BCAT1: variants seen among roughly 807,000 people sequenced by gnomAD.
BCAT1 encodes branched-chain-amino-acid aminotransferase, cytosolic.
A neutral mutation model predicts 52.4 loss-of-function variants in BCAT1; 48 were observed. The observed-to-expected ratio is 0.92, with a 90% CI of 0.73 to 1.16. The LOEUF (loss-of-function observed/expected upper bound fraction) is 1.16, where lower values mean the gene tolerates loss of function less well. Ranked by LOEUF, BCAT1 falls within the 50% of genes most tolerant of loss-of-function variation. The pLI is 0.00. For missense variants in BCAT1, 451 were observed against 457.1 expected, an observed-to-expected ratio of 0.99 and a Z score of 0.12; for synonymous variants, 167 against 161.3, an observed-to-expected ratio of 1.04 and a Z score of -0.27.
Position 24,817,855 on chromosome 12 carries a change from A to G in BCAT1, c.*153T>C, listed in dbSNP as rs111235176. ...ATGATTGCAATTCATTTTCTCTGGCATGAAGAAACAATCACTCTTGTAACA... is the reference window on the plus strand; with the variant it reads ...ATGATTGCAATTCATTTTCTCTGGCGTGAAGAAACAATCACTCTTGTAACA... On this transcript the variant is annotated 3_prime_UTR_variant, in exon 11 of 11. Coordinates refer to ENST00000261192, the MANE Select transcript of BCAT1 (RefSeq NM_005504.7). 242 of 740,512 alleles carry G rather than the reference A, an allele frequency of 3.3e-4. 2 individuals are homozygous for G. Among genetic ancestry groups the G allele is most frequent in the African/African-American group, 3.1e-3 (180 of 57,296 alleles). 45.9% of individuals were successfully genotyped at this position (740,512 alleles called of 1,614,324 possible).
At chr12:24,843,685 A>T (rs368304250) in intron 6 of BCAT1, among the ~76,000 whole-genome samples, 1 of 152,174 alleles carries the variant, frequency 6.6e-6, no homozygotes, top group African/African-American at 2.4e-5. Flanking sequence ...ATACTCTTAT[A>T]AAAACATAGT....
chr12:24,902,748 G>T (rs868243048), intron 1 of BCAT1: 15 of 778,334 alleles, frequency 1.9e-5, no homozygotes, highest in Non-Finnish European at 2.7e-5. Flanking sequence ...ACCTCGAAGA[G>T]GTGGAGATTG....
intron 1 of BCAT1, among the ~76,000 whole-genome samples, chr12:24,918,076 T>C (rs1943446213): frequency 6.6e-6 from 1 of 152,214 alleles, no homozygotes; most frequent in African/African-American, 2.4e-5. Context: ...GTCCACTTTG[T>C]TCTGTGGGTT....
At chr12:24,909,278 G>T (rs914528651) in intron 1 of BCAT1, among the ~76,000 whole-genome samples, 2 of 152,144 alleles carry the variant, frequency 1.3e-5, no homozygotes, top group African/African-American at 4.8e-5. Context: ...AATGACAGAT[G>T]AGTATAATTC....
chr12:24,871,733 C>A (rs948601433), intron 5 of BCAT1, among the ~76,000 whole-genome samples: 1 of 151,970 alleles, frequency 6.6e-6, no homozygotes. Context: ...AAAAAACATC[C>A]CCTGTGACAA....
At chr12:24,944,994 G>T (rs1327648551) in intron 1 of BCAT1, among the ~76,000 whole-genome samples, 2 of 152,118 alleles carry the variant, frequency 1.3e-5, no homozygotes, top group Non-Finnish European at 2.9e-5. Context: ...CACCAAAAAG[G>T]TATAACAGTA....
chr12:24,887,806 C>A (rs181941005), intron 3 of BCAT1, among the ~76,000 whole-genome samples: 113 of 152,322 alleles, frequency 7.4e-4, no homozygotes, highest in African/African-American at 2.0e-3. Context: ...GTTCCCTACT[C>A]GCAGTTTGCG....
chr12:24,896,569 G>T (rs978795920), intron 2 of BCAT1, among the ~76,000 whole-genome samples: 1 of 152,114 alleles, frequency 6.6e-6, no homozygotes, highest in Admixed American at 6.5e-5. Context: ...AGGAGTTTGA[G>T]ATCAACCTGG....
At chr12:24,917,323 C>A (rs1239532902) in intron 1 of BCAT1, among the ~76,000 whole-genome samples, 1 of 151,612 alleles carries the variant, frequency 6.6e-6, no homozygotes, top group Non-Finnish European at 1.5e-5. Flanking sequence ...GAACTACAGG[C>A]GCCCGCCACC....
intron 5 of BCAT1, among the ~76,000 whole-genome samples, chr12:24,852,035 G>A (rs1828962157): frequency 6.6e-6 from 1 of 152,096 alleles, no homozygotes; most frequent in Non-Finnish European, 1.5e-5. Context: ...CCTCCCTGCT[G>A]TGCTTGTGAG....
At chr12:24,847,554 T>C (rs1444647655) in intron 6 of BCAT1, among the ~76,000 whole-genome samples, 1 of 151,966 alleles carries the variant, frequency 6.6e-6, no homozygotes, top group Non-Finnish European at 1.5e-5. Context: ...AAGAAAAAAC[T>C]AAGAGAGATA....
At position 24,943,863 on chromosome 12, in the gene BCAT1, A is replaced by G. The variant is rs558588971; in HGVS notation, c.6+5064T>C. Among the ~76,000 whole-genome samples, 8 of 151,806 alleles carry G rather than the reference A, an allele frequency of 5.3e-5. No homozygotes were observed. In the South Asian group the frequency reaches 1.7e-3, roughly 32 times the overall value. On this transcript the variant is annotated intron_variant, in intron 1 of 10. Transcript: ENST00000261192. The stretch of plus-strand genomic sequence containing the variant: ...GCCGGGCGTGGTGGCGGGCGCCTGT[A>G]GTCCCAGCTACTCAGGAAGCTGAGG...
intron 1 of BCAT1, chr12:24,903,162 G>A (rs1164276682): frequency 1.6e-6 from 2 of 1,257,810 alleles, no homozygotes; most frequent in Non-Finnish European, 2.0e-6. Context: ...AACCCCTCCA[G>A]CATCCCTTGG....
At chr12:24,845,438 A>G (rs185552323) in intron 6 of BCAT1, among the ~76,000 whole-genome samples, 88 of 152,358 alleles carry the variant, frequency 5.8e-4, no homozygotes, top group Admixed American at 1.1e-3. Context: ...ATCCTTATTC[A>G]TAACTGATAG....
intron 5 of BCAT1, among the ~76,000 whole-genome samples, chr12:24,858,197 A>G (rs568544688): frequency 6.6e-6 from 1 of 152,322 alleles, no homozygotes; most frequent in East Asian, 1.9e-4. Flanking sequence ...CAAATGAAAA[A>G]ATTAACAGCT....
At chr12:24,942,543 C>CAAA (rs60144964) in intron 1 of BCAT1, among the ~76,000 whole-genome samples, 1 of 90,890 alleles carries the variant, frequency 1.1e-5, no homozygotes. Flanking sequence ...GACTCCGCCT[C>CAAA]AAAAAAAAAA....
chr12:24,937,841 A>G (rs73063697), intron 1 of BCAT1, among the ~76,000 whole-genome samples: 12,658 of 152,290 alleles, frequency 0.083, 748 homozygotes, highest in African/African-American at 0.17. Context: ...TTGTTAAAAT[A>G]GATAGGACTG....
intron 1 of BCAT1, among the ~76,000 whole-genome samples, chr12:24,933,747 G>T (rs73063681): frequency 0.039 from 5,896 of 152,110 alleles, 124 homozygotes; most frequent in South Asian, 0.067. Flanking sequence ...GCAGAAGAAG[G>T]AGAAAGGAAA....
intron 3 of BCAT1, among the ~76,000 whole-genome samples, chr12:24,884,145 T>C (rs1272702940): frequency 6.6e-6 from 1 of 152,230 alleles, no homozygotes. Context: ...GTGGTATGTA[T>C]ACATGATGGA....
Sources: allele counts gnomAD v4.1 joint callset (sites outside exome capture counted in the v4.1 genomes callset), GRCh38; gene constraint gnomAD v4.1.1; transcripts MANE v1.5; gene names NCBI Gene and HGNC (gene_info 2026-07-23, HGNC 2026-07-21).